AGTPBP1: variants seen among roughly 807,000 people sequenced by gnomAD.
The protein encoded by AGTPBP1 is ATP/GTP binding carboxypeptidase 1.
In AGTPBP1, 70 loss-of-function variants were observed where a neutral mutation model predicts 143.9. That is an observed-to-expected ratio of 0.49 (90% CI 0.40 to 0.59). The LOEUF is 0.59. AGTPBP1 is among the 20% of genes least tolerant of loss of function. The probability of loss-of-function intolerance (pLI) is 0.00; values close to 1 mark genes in which losing one functional copy is unlikely to be tolerated. For synonymous variants in AGTPBP1, 463 were observed against 500.2 expected (o/e 0.93, Z 0.99); for missense variants, 1,229 against 1,464.5 (o/e 0.84, Z 2.62).
At chr9:85,732,134 T>C (rs1309019322) in intron 1 of AGTPBP1, among the ~76,000 whole-genome samples, 1 of 151,646 alleles carries the variant, frequency 6.6e-6, no homozygotes. Context: ...TCTAAGTCTA[T>C]ACAGATGATA....
At chr9:85,631,505 A>T (rs1214333858) in intron 14 of AGTPBP1, among the ~76,000 whole-genome samples, 2 of 151,958 alleles carry the variant, frequency 1.3e-5, no homozygotes, top group Non-Finnish European at 2.9e-5. Flanking sequence ...GCACAGACCC[A>T]CTCCCACACA....
At chr9:85,619,728 C>T (rs1163177599) in intron 15 of AGTPBP1, among the ~76,000 whole-genome samples, 4 of 152,258 alleles carry the variant, frequency 2.6e-5, no homozygotes, top group East Asian at 3.9e-4. Context: ...AAGAAGCACA[C>T]GTATTATCAT....
At chr9:85,617,864 G>C (rs1445845413) in intron 17 of AGTPBP1, among the ~76,000 whole-genome samples, 4 of 152,068 alleles carry the variant, frequency 2.6e-5, no homozygotes, top group African/African-American at 9.7e-5. Flanking sequence ...AGAAGAAATG[G>C]ACCAATTCCT....
intron 17 of AGTPBP1, among the ~76,000 whole-genome samples, chr9:85,603,162 A>C (rs1456299218): frequency 6.6e-6 from 1 of 152,222 alleles, no homozygotes; most frequent in Non-Finnish European, 1.5e-5. Context: ...CATGTGGCCC[A>C]GTGGGACACC....
the AGTPBP1 span, among the ~76,000 whole-genome samples, chr9:85,769,532 A>G: frequency 1.3e-5 from 2 of 151,680 alleles, no homozygotes; most frequent in African/African-American, 2.4e-5. Context: ...AAAAAAAAAA[A>G]AAAAAAAAGA....
chr9:85,570,646 A>G (rs779234964), intron 25 of AGTPBP1, among the ~76,000 whole-genome samples: 3 of 152,198 alleles, frequency 2.0e-5, no homozygotes, highest in Non-Finnish European at 4.4e-5. Context: ...TCAGGACGTG[A>G]GCTCTCATTT....
At chr9:85,753,553 AC>A in the AGTPBP1 span, 1 of 1,192,822 alleles carries the variant, frequency 8.4e-7, no homozygotes, top group Non-Finnish European at 1.2e-6. Context: ...CAGGAGTTCG[AC>A]CAGCCTGGTC....
the AGTPBP1 span, among the ~76,000 whole-genome samples, chr9:85,751,190 T>C: frequency 9.2e-5 from 14 of 151,778 alleles, no homozygotes; most frequent in South Asian, 4.1e-4. Flanking sequence ...AACAAGTCTT[T>C]CTTACTGTCT....
intron 14 of AGTPBP1, among the ~76,000 whole-genome samples, chr9:85,623,160 C>T (rs541104269): frequency 2.0e-5 from 3 of 152,138 alleles, no homozygotes; most frequent in South Asian, 4.1e-4. Flanking sequence ...TGTCTAAAAA[C>T]GAGCTGACTG....
intron 6 of AGTPBP1, among the ~76,000 whole-genome samples, chr9:85,676,513 C>T (rs1381698412): frequency 6.6e-6 from 1 of 151,666 alleles, no homozygotes; most frequent in Admixed American, 6.6e-5. Flanking sequence ...CCATCTCATC[C>T]CAGTTAAAAC....
At chr9:85,632,408 A>G (rs1041656662) in intron 14 of AGTPBP1, among the ~76,000 whole-genome samples, 3 of 152,246 alleles carry the variant, frequency 2.0e-5, no homozygotes, top group African/African-American at 7.2e-5. Flanking sequence ...CAGTATTAAT[A>G]GAAAATTTCT....
At chr9:85,796,310 T>C in the AGTPBP1 span, among the ~76,000 whole-genome samples, 1 of 152,336 alleles carries the variant, frequency 6.6e-6, no homozygotes, top group Non-Finnish European at 1.5e-5. Flanking sequence ...GGTTGAATTC[T>C]TCATATTAGG....
the AGTPBP1 span, among the ~76,000 whole-genome samples, chr9:85,756,648 A>G: frequency 5.3e-5 from 8 of 152,232 alleles, no homozygotes; most frequent in Non-Finnish European, 1.0e-4. Context: ...AAACTTGAAC[A>G]TGAACATTCA....
chr9:85,672,757 C>CA, intron 6 of AGTPBP1, 76 bp from the exon 7 acceptor site: 6 of 972,408 alleles, frequency 6.2e-6, no homozygotes, highest in Non-Finnish European at 8.4e-6. Flanking sequence ...TTTTTTGAGA[C>CA]AGAGTCTTGC....
intron 14 of AGTPBP1, among the ~76,000 whole-genome samples, chr9:85,630,463 ATTG>A (rs1831594659): frequency 2.3e-5 from 1 of 43,300 alleles, no homozygotes; most frequent in South Asian, 1.0e-3. Flanking sequence ...CAGTGGCACG[ATTG>A]ATTGATTGAT....
intron 13 of AGTPBP1, among the ~76,000 whole-genome samples, chr9:85,641,759 G>A (rs183412850): frequency 5.1e-4 from 77 of 152,030 alleles, no homozygotes; most frequent in Middle Eastern, 3.4e-3. Context: ...GGAGTGCAGT[G>A]GTGCGATCTT....
chr9:85,692,087 T>C (rs1206526728), intron 3 of AGTPBP1, among the ~76,000 whole-genome samples: 4 of 152,106 alleles, frequency 2.6e-5, no homozygotes. Context: ...CAATATTCTA[T>C]GCTACTTGAT....
At chr9:85,715,515 C>T (rs1453342164) in intron 1 of AGTPBP1, among the ~76,000 whole-genome samples, 1 of 152,138 alleles carries the variant, frequency 6.6e-6, no homozygotes, top group Admixed American at 6.6e-5. Flanking sequence ...CCATGCCCTA[C>T]CACTGTGGAA....
the AGTPBP1 span, among the ~76,000 whole-genome samples, chr9:85,780,002 T>G: frequency 1.3e-5 from 2 of 152,240 alleles, no homozygotes; most frequent in African/African-American, 4.8e-5. Context: ...GGATTCTGAT[T>G]TATGATCTCA....
Sources: allele counts gnomAD v4.1 joint callset (sites outside exome capture counted in the v4.1 genomes callset), GRCh38; gene constraint gnomAD v4.1.1; transcripts MANE v1.5; gene names NCBI Gene and HGNC (gene_info 2026-07-23, HGNC 2026-07-21).